Variants in ERBB4 observed in about 807,000 individuals in gnomAD.
The protein encoded by ERBB4 is erb-b2 receptor tyrosine kinase 4.
In ERBB4, 42 loss-of-function variants were observed where a neutral mutation model predicts 158.0. That is an observed-to-expected ratio of 0.27 (90% CI 0.21 to 0.34). ERBB4 has a LOEUF of 0.34. Ranked by LOEUF, ERBB4 falls within the 10% of genes least tolerant of loss-of-function variation. The pLI is 1.00. For missense variants in ERBB4, 1,333 were observed against 1,624.1 expected (o/e 0.82, Z 3.08); for synonymous variants, 583 against 558.7 (o/e 1.04, Z -0.61).
chr2:211,832,653 C>G (rs1031590465), intron 3 of ERBB4, among the ~76,000 whole-genome samples: 1 of 150,008 alleles, frequency 6.7e-6, no homozygotes, highest in Non-Finnish European at 1.5e-5. Flanking sequence ...TAACCAGCAT[C>G]CTTGTGTATC....
chr2:212,021,581 T>G (rs1057169358), intron 2 of ERBB4, among the ~76,000 whole-genome samples: 2 of 152,098 alleles, frequency 1.3e-5, no homozygotes, highest in Admixed American at 6.6e-5. Context: ...TCTAGATGGA[T>G]TAAAGGCTTA....
Position 211,386,899 on chromosome 2 carries a change from C to A in ERBB4, c.3435G>T (p.Leu1145=), listed in dbSNP as rs1473814139. 5 of 1,614,042 alleles carry A rather than the reference C, an allele frequency of 3.1e-6. No homozygotes were observed. The African/African-American group carries it at 6.7e-5, about 22-fold the overall frequency. Residue 1145 remains leucine (L), a synonymous_variant, in exon 27 of 28, where the codon CTG becomes CTT. Coordinates refer to ENST00000342788, the MANE Select transcript of ERBB4 (RefSeq NM_005235.3). ...TAGGAGTCATGTAACCTTCCTCATC[C>A]AGCTCTCCTCGTGGGCTCCGTTCTG... ...FAPERSPRGE[L]DEEGYMTPMR...
At chr2:211,623,858 G>T in intron 18 of ERBB4, 64 bp downstream of exon 18, 1 of 1,493,962 alleles carries the variant, frequency 6.7e-7, no homozygotes, top group Non-Finnish European at 9.3e-7. Flanking sequence ...TAACTCCATT[G>T]GCTATTATTT....
At chr2:212,257,609 G>A (rs1356590969) in intron 1 of ERBB4, among the ~76,000 whole-genome samples, 2 of 152,024 alleles carry the variant, frequency 1.3e-5, no homozygotes, top group Admixed American at 6.6e-5. Flanking sequence ...TAAGCAGTAA[G>A]ACCCGAAACT....
chr2:211,760,554 T>C (rs933083788), intron 4 of ERBB4, among the ~76,000 whole-genome samples: 9 of 152,224 alleles, frequency 5.9e-5, no homozygotes, highest in Admixed American at 2.0e-4. Context: ...AATCAACATT[T>C]CATGTAAGTA....
intron 19 of ERBB4, among the ~76,000 whole-genome samples, chr2:211,602,108 A>G (rs532305163): frequency 4.8e-4 from 73 of 152,194 alleles, no homozygotes; most frequent in African/African-American, 1.7e-3. Context: ...TGGAGTAGGC[A>G]GGTGTTGGGT....
At chr2:212,150,829 C>T (rs1217489341) in intron 1 of ERBB4, among the ~76,000 whole-genome samples, 1 of 152,114 alleles carries the variant, frequency 6.6e-6, no homozygotes, top group Admixed American at 6.6e-5. Flanking sequence ...TGTGAGATAA[C>T]CTTCAATGTA....
At chr2:211,412,693 C>T (rs1187732527) in intron 25 of ERBB4, among the ~76,000 whole-genome samples, 1 of 152,048 alleles carries the variant, frequency 6.6e-6, no homozygotes, top group African/African-American at 2.4e-5. Flanking sequence ...TGGTGGCTCA[C>T]GTCTGTAATC....
intron 20 of ERBB4, among the ~76,000 whole-genome samples, chr2:211,509,723 A>G (rs1851187): frequency 0.52 from 79,660 of 151,914 alleles, 21,166 homozygotes; most frequent in Middle Eastern, 0.56. Flanking sequence ...TCCAGAAACT[A>G]TAATGAACTC....
chr2:211,740,385 T>C (rs1295444146), intron 5 of ERBB4, among the ~76,000 whole-genome samples: 1 of 152,104 alleles, frequency 6.6e-6, no homozygotes, highest in Non-Finnish European at 1.5e-5. Flanking sequence ...CATGATAATA[T>C]TATAAATTGT....
chr2:212,250,648 A>G (rs1164494093), intron 1 of ERBB4, among the ~76,000 whole-genome samples: 1 of 152,006 alleles, frequency 6.6e-6, no homozygotes, highest in Non-Finnish European at 1.5e-5. Context: ...ATCTAAATTC[A>G]TGCATTCACT....
chr2:212,185,636 C>A (rs2081994837), intron 1 of ERBB4, among the ~76,000 whole-genome samples: 1 of 151,844 alleles, frequency 6.6e-6, no homozygotes, highest in African/African-American at 2.4e-5. Context: ...TTATAAATTC[C>A]TGGGAATATA....
chr2:211,863,096 T>C (rs1002045198), intron 3 of ERBB4, among the ~76,000 whole-genome samples: 2 of 148,128 alleles, frequency 1.4e-5, no homozygotes, highest in Non-Finnish European at 2.9e-5. Context: ...AGCTAAAGGA[T>C]TGTAAATGCA....
At chr2:211,720,484 A>T (rs554087389) in intron 7 of ERBB4, among the ~76,000 whole-genome samples, 2 of 152,284 alleles carry the variant, frequency 1.3e-5, no homozygotes, top group South Asian at 4.1e-4. Context: ...GTCACCGGGA[A>T]TCTCTAAAGA....
intron 1 of ERBB4, among the ~76,000 whole-genome samples, chr2:212,509,745 C>T (rs962668327): frequency 6.6e-6 from 1 of 151,886 alleles, no homozygotes; most frequent in Non-Finnish European, 1.5e-5. Context: ...GTAGGAAAAG[C>T]CACCATTGTT....
At chr2:211,874,267 G>A (rs1237365073) in intron 3 of ERBB4, among the ~76,000 whole-genome samples, 1 of 152,056 alleles carries the variant, frequency 6.6e-6, no homozygotes, top group African/African-American at 2.4e-5. Flanking sequence ...GCAGCCTCTA[G>A]TTCCTTTATA....
chr2:211,497,940 A>G (rs75246625), intron 20 of ERBB4, among the ~76,000 whole-genome samples: 59,950 of 151,626 alleles, frequency 0.4, 12,447 homozygotes, highest in African/African-American at 0.52. Flanking sequence ...CAAGTTGTTC[A>G]GCGGCAAGAT....
At chr2:212,292,185 G>A (rs188190236) in intron 1 of ERBB4, among the ~76,000 whole-genome samples, 20 of 151,758 alleles carry the variant, frequency 1.3e-4, no homozygotes, top group Middle Eastern at 3.4e-3. Flanking sequence ...ATTTCTAGCC[G>A]CCAAAAATGC....
intron 19 of ERBB4, among the ~76,000 whole-genome samples, chr2:211,604,465 C>T (rs932363278): frequency 5.3e-5 from 8 of 149,660 alleles, no homozygotes; most frequent in African/African-American, 1.9e-4. Context: ...ACTTAGTAAT[C>T]CTCCAAGGTC....
Sources: allele counts gnomAD v4.1 joint callset (sites outside exome capture counted in the v4.1 genomes callset), GRCh38; gene constraint gnomAD v4.1.1; transcripts MANE v1.5; gene names NCBI Gene and HGNC (gene_info 2026-07-23, HGNC 2026-07-21).